The following PRKD2 variants were observed in gnomAD, a reference collection of about 807,000 sequenced individuals.
PRKD2 encodes serine/threonine-protein kinase D2.
A neutral mutation model predicts 86.0 loss-of-function variants in PRKD2; 22 were observed. That is an observed-to-expected ratio of 0.26 (90% CI 0.18 to 0.37). PRKD2 has a LOEUF of 0.37. Among genes scored for constraint, PRKD2 ranks in the 10% least tolerant of loss-of-function variants. The pLI is 1.00. For synonymous variants in PRKD2, 509 were observed against 510.9 expected, an observed-to-expected ratio of 1.00 and a Z score of 0.05; for missense variants, 818 against 1,199.2, an observed-to-expected ratio of 0.68 and a Z score of 4.70.
chr19:46,713,159 C>T (rs1040446201), intron 2 of PRKD2, among the ~76,000 whole-genome samples: 1 of 150,706 alleles, frequency 6.6e-6, no homozygotes, highest in South Asian at 2.1e-4. Context: ...GCTGAGACTA[C>T]AGACGTGTGC....
intron 14 of PRKD2, among the ~76,000 whole-genome samples, chr19:46,688,439 A>ATTTTTT (rs1232755987): frequency 7.5e-6 from 1 of 133,764 alleles, no homozygotes; most frequent in African/African-American, 3.2e-5. Flanking sequence ...TATTATTATT[A>ATTTTTT]TTATTTTTTT....
In PRKD2 at chr19:46,704,099, G is replaced by A. The variant is rs1426597325; in HGVS notation, c.889+70C>T. ...CCCAAGGCTCAGATCCTTGTGTCCTGCCACAAGACCAGGTTGGGGCGGGAA... is the reference window on the plus strand; with the variant it reads ...CCCAAGGCTCAGATCCTTGTGTCCTACCACAAGACCAGGTTGGGGCGGGAA... On this transcript the variant is annotated intron_variant, in intron 5 of 17. Transcript: ENST00000291281. 2.5e-6 allele frequency: 4 copies of A among 1,592,698 alleles called. No homozygotes were observed. In the African/African-American group the frequency reaches 5.4e-5, roughly 21 times the overall value.
intron 15 of PRKD2, among the ~76,000 whole-genome samples, chr19:46,679,514 A>T (rs896039861): frequency 5.9e-5 from 9 of 152,142 alleles, no homozygotes; most frequent in Admixed American, 3.9e-4. Context: ...TGTCATCTGT[A>T]TTGGGGGGTT....
rs770090219 is a variant in PRKD2 at position 46,674,376 on chromosome 19, A to C, written c.*147T>G. The C allele has an allele frequency of 6.3e-6, 5 of 794,112 alleles. No individual in the cohort carries two copies. The highest frequency in any genetic ancestry group is 7.8e-6 in the Non-Finnish European group (4 of 514,766). The allele number at this position is 794,112 out of a possible 1,614,324, so 49.2% of individuals were successfully genotyped here. On this transcript the variant is annotated 3_prime_UTR_variant, in exon 18 of 18. Transcript: ENST00000291281. The stretch of plus-strand genomic sequence containing the variant: ...CGTTTTAATTGCTGGGGAAACAGGG[A>C]GGGGCCTTGGAAATAGCTCCCCCCA...
At position 46,696,711 on chromosome 19, in the gene PRKD2, C is replaced by T. The variant is rs10411663; in HGVS notation, c.1317+446G>A. The stretch of plus-strand genomic sequence containing the variant: ...CGGAGGTTGCAGTGAGCCGAGATCG[C>T]GCCACTGCACTCCAGCTGGGCGACA... On this transcript the variant is annotated intron_variant, in intron 9 of 17. Coordinates refer to ENST00000291281, the MANE Select transcript of PRKD2 (RefSeq NM_016457.5). Among the ~76,000 whole-genome samples, 261 of 152,072 alleles carry T rather than the reference C, an allele frequency of 1.7e-3. 2 individuals carry two copies. The highest frequency in any genetic ancestry group is 6.2e-3 in the African/African-American group (259 of 41,504).
chr19:46,698,014 GTTTGTT>G (rs1395467473), intron 7 of PRKD2, among the ~76,000 whole-genome samples, 164 bp from the exon 8 acceptor site: 1 of 151,900 alleles, frequency 6.6e-6, no homozygotes, highest in Non-Finnish European at 1.5e-5. Context: ...GTTGCTTTTT[GTTTGTT>G]TTTAAGAGGC....
chr19:46,709,847 A>G (rs941596327), intron 3 of PRKD2, among the ~76,000 whole-genome samples: 5 of 151,908 alleles, frequency 3.3e-5, no homozygotes, highest in Admixed American at 6.6e-5. Context: ...CTGAGTTCCC[A>G]CTTGCCCTTC....
At chr19:46,676,462 GTAGT>G (rs1191002674) in intron 16 of PRKD2, among the ~76,000 whole-genome samples, 3 of 152,258 alleles carry the variant, frequency 2.0e-5, no homozygotes, top group South Asian at 2.1e-4. Flanking sequence ...TCATCAGATG[GTAGT>G]TAGTCACCAT....
At chr19:46,696,937 G>A (rs1005581700) in intron 9 of PRKD2, among the ~76,000 whole-genome samples, 1 of 152,130 alleles carries the variant, frequency 6.6e-6, no homozygotes, top group African/African-American at 2.4e-5. Context: ...GTGAGGCACT[G>A]AGAAGTAAGG....
chr19:46,704,400 G>T lies in PRKD2; in HGVS notation c.667-9C>A. 6.2e-7 allele frequency: 1 copy of T among 1,613,910 alleles called. No homozygotes were observed. Among genetic ancestry groups the T allele is most frequent in the South Asian group, 1.1e-5 (1 of 91,092 alleles). On this transcript the variant is annotated splice_polypyrimidine_tract_variant and intron_variant, in intron 4 of 17. Transcript: ENST00000291281. Reference sequence around the variant, plus strand: ...TCGGTGGTGCTACGGCTCTGTCGTTGGCAAGAATGGAGGGGACACATCAGT... The same window carrying T: ...TCGGTGGTGCTACGGCTCTGTCGTTTGCAAGAATGGAGGGGACACATCAGT...
In PRKD2 at chr19:46,716,153, G is replaced by T. The variant is rs1442222205; in HGVS notation, c.218C>A (p.Ala73Asp). Reference sequence around the variant, plus strand: ...CACCTTCTGGTCCACGATGGAACAGGCCAGCTGCTTCACATGAGCCAGCTC... The same window carrying T: ...CACCTTCTGGTCCACGATGGAACAGTCCAGCTGCTTCACATGAGCCAGCTC... ...ASELAHVKQL[A>D]CSIVDQKFPE... The change falls in exon 1 of 18, where the codon GCC becomes GAC. Residue 73 changes from alanine (A) to aspartate (D), a missense_variant. Physicochemically the swap from Ala to Asp is moderately radical, Grantham distance 126. Coordinates refer to ENST00000291281, the MANE Select transcript of PRKD2 (RefSeq NM_016457.5). This position sits in a 1 kb window ranked among gnomAD's most constrained non-coding sequence, Gnocchi z 7.9. 1 of 1,611,384 alleles carries T rather than the reference G, an allele frequency of 6.2e-7. No individual in the cohort carries two copies. The highest frequency in any genetic ancestry group is 8.5e-7 in the Non-Finnish European group (1 of 1,179,412).
chr19:46,697,957 G>C, intron 7 of PRKD2, 107 bp from the exon 8 acceptor site: 5 of 859,638 alleles, frequency 5.8e-6, no homozygotes, highest in Non-Finnish European at 9.5e-6. Flanking sequence ...GACTGTTTTT[G>C]TTTGTTTGGT....
chr19:46,713,824 ACCCGAGGCCCCG>A, intron 2 of PRKD2, 27 bp downstream of exon 2: 1 of 392,712 alleles, frequency 2.5e-6, no homozygotes, highest in Non-Finnish European at 3.4e-6. Flanking sequence ...CCCCGCCCCC[ACCCGAGGCCCCG>A]CCCCCAGGCC....
At chr19:46,696,011 G>C (rs1314740127) in intron 9 of PRKD2, among the ~76,000 whole-genome samples, 2 of 152,002 alleles carry the variant, frequency 1.3e-5, no homozygotes, top group African/African-American at 4.8e-5. Context: ...GCTAATTTTT[G>C]TATTTTTAGT....
At chr19:46,689,148 G>A (rs1349093109) in intron 14 of PRKD2, 3 of 130,850 alleles carry the variant, frequency 2.3e-5, no homozygotes, top group Admixed American at 8.3e-5. Flanking sequence ...TTGAGATGGA[G>A]TCTTGCTCTG....
chr19:46,676,711 ATTCAC>A (rs2053209105), intron 16 of PRKD2, among the ~76,000 whole-genome samples: 1 of 152,056 alleles, frequency 6.6e-6, no homozygotes, highest in Admixed American at 6.6e-5. Flanking sequence ...CCACACTTAA[ATTCAC>A]TTGTGCACAC....
At chr19:46,679,257 G>A (rs2122559476) in intron 15 of PRKD2, among the ~76,000 whole-genome samples, 1 of 152,226 alleles carries the variant, frequency 6.6e-6, no homozygotes, top group Non-Finnish European at 1.5e-5. Flanking sequence ...CTGAACCTGG[G>A]AGGCAGAGGT....
chr19:46,680,941 TATATA>T (rs374161360), intron 15 of PRKD2, among the ~76,000 whole-genome samples: 14 of 59,824 alleles, frequency 2.3e-4, no homozygotes, highest in Admixed American at 4.9e-4. Context: ...TATATATATA[TATATA>T]TTTTTTTTTT....
Position 46,678,110 on chromosome 19 carries a change from A to G in PRKD2, c.2338+286T>C, listed in dbSNP as rs1245177501. 2.6e-5 allele frequency among the ~76,000 whole-genome samples: 4 copies of G among 152,042 alleles called. No individual in the cohort carries two copies. Among genetic ancestry groups the G allele is most frequent in the Admixed American group, 1.3e-4 (2 of 15,260 alleles). On this transcript the variant is annotated intron_variant, in intron 16 of 17. Coordinates refer to ENST00000291281, the MANE Select transcript of PRKD2 (RefSeq NM_016457.5). The surrounding 1 kb of genome is among the most constrained non-coding windows in gnomAD (Gnocchi z 5.7). ...AGTCCCTTTCCTGGTCCCACCCTAG[A>G]CAAGCCAAGTCTCACTCAGCCCCCC...
Sources: allele counts gnomAD v4.1 joint callset (sites outside exome capture counted in the v4.1 genomes callset), GRCh38; gene constraint gnomAD v4.1.1; non-coding constraint Gnocchi (gnomAD v3.1); transcripts MANE v1.5; gene names NCBI Gene and HGNC (gene_info 2026-07-23, HGNC 2026-07-21).